RSPH4A: variants seen among roughly 807,000 people sequenced by gnomAD.
The protein encoded by RSPH4A is radial spoke head component 4A.
Under a neutral mutation model 71.0 loss-of-function variants are expected in RSPH4A, and 47 were observed. The observed-to-expected ratio is 0.66, with a 90% CI of 0.52 to 0.84. The LOEUF (loss-of-function observed/expected upper bound fraction) is 0.84, where lower values mean the gene tolerates loss of function less well. Ranked by LOEUF, RSPH4A falls within the 40% of genes least tolerant of loss-of-function variation. RSPH4A has a pLI of 0.00. For synonymous variants in RSPH4A, 282 were observed against 302.3 expected (o/e 0.93, Z 0.70); for missense variants, 793 against 855.2 (o/e 0.93, Z 0.91).
Position 116,628,084 on chromosome 6 carries a change from G to T in RSPH4A, c.1377G>T (p.Lys459Asn), listed in dbSNP as rs563352149. ...PAQIVIARKI[K>N]KFFTGRLDAP... ...AAATTGTTATTGCAAGAAAAATCAAGAAATTTTTCACTGGGCGATTGGATG... is the reference window on the plus strand; with the variant it reads ...AAATTGTTATTGCAAGAAAAATCAATAAATTTTTCACTGGGCGATTGGATG... Residue 459 changes from lysine to asparagine, a missense_variant, in exon 3 of 6, where the codon AAG becomes AAT. By Grantham distance (94) the Lys-to-Asn change is moderately conservative. Coordinates refer to ENST00000229554, the MANE Select transcript of RSPH4A (RefSeq NM_001010892.3). 6.2e-7 allele frequency: 1 copy of T among 1,614,140 alleles called. No homozygotes were observed. The highest frequency in any genetic ancestry group is 8.5e-7 in the Non-Finnish European group (1 of 1,180,028).
chr6:116,616,543 C>A lies in RSPH4A; in HGVS notation c.-81C>A. The A allele has an allele frequency of 1.6e-6, 2 of 1,260,802 alleles. No individual in the cohort carries two copies. The highest frequency in any genetic ancestry group is 2.3e-6 in the Non-Finnish European group (2 of 883,892). The allele number at this position is 1,260,802 out of a possible 1,614,324, so 78.1% of individuals were successfully genotyped here. A position where few individuals can be genotyped will look rare whatever the true frequency, so the allele number is the denominator to read the frequency against. ...CCAGAAATCGCTTAAGAGACCGCGGCAAAGTAACTTAACTGAGTTGCCTTC... is the reference window on the plus strand; with the variant it reads ...CCAGAAATCGCTTAAGAGACCGCGGAAAAGTAACTTAACTGAGTTGCCTTC... On this transcript the variant is annotated 5_prime_UTR_variant, in exon 1 of 6. Coordinates refer to ENST00000229554, the MANE Select transcript of RSPH4A (RefSeq NM_001010892.3).
chr6:116,629,471 CCA>C (rs1775756739), intron 3 of RSPH4A, 94 bp from the exon 4 acceptor site: 1 of 1,232,644 alleles, frequency 8.1e-7, no homozygotes, highest in Non-Finnish European at 1.2e-6. Context: ...GATTAAATTC[CCA>C]CAGAGTTACA....
chr6:116,632,336 T>A lies in RSPH4A; in HGVS notation c.2046T>A (p.Ser682Arg). The A allele has an allele frequency of 6.2e-7, 1 of 1,613,962 alleles. No individual in the cohort carries two copies. The highest frequency in any genetic ancestry group is 8.5e-7 in the Non-Finnish European group (1 of 1,179,990). ...AAATTACAGAAATGGATGATCCTAG[T>A]GTGGAGGAGGAGCAGGCTTTCAGGG... Reference protein sequence around the residue: ...GPEITEMDDPSVEEEQAFRAA... With the variant: ...GPEITEMDDPRVEEEQAFRAA... Residue 682 changes from serine to arginine, a missense_variant, in exon 6 of 6, where the codon AGT (serine) becomes AGA (arginine). Coordinates refer to ENST00000229554, the MANE Select transcript of RSPH4A (RefSeq NM_001010892.3).
chr6:116,631,906 T>C (rs1477840473), intron 5 of RSPH4A, among the ~76,000 whole-genome samples: 1 of 152,182 alleles, frequency 6.6e-6, no homozygotes. Flanking sequence ...ACTTTTTTTT[T>C]TCCTCCCCTG....
At position 116,616,669 on chromosome 6, in the gene RSPH4A, G is replaced by A. The variant is rs780975506; in HGVS notation, c.46G>A (p.Glu16Lys). 3 of 1,613,972 alleles carry A rather than the reference G, an allele frequency of 1.9e-6. No homozygotes were observed. The highest frequency in any genetic ancestry group is 2.5e-6 in the Non-Finnish European group (3 of 1,180,026). Reference protein sequence around the residue: ...SPKQEKENQEELGETRRPWEG... With the variant: ...SPKQEKENQEKLGETRRPWEG... ...GAAGCAAGAAAAAGAAAACCAAGAA[G>A]AACTAGGGGAAACAAGGCGGCCATG... Residue 16 changes from glutamate to lysine, a missense_variant, in exon 1 of 6, where the codon GAA becomes AAA. Physicochemically the swap from Glu to Lys is moderately conservative, Grantham distance 56. Transcript: ENST00000229554.
At chr6:116,623,890 G>GTTT (rs1426938123) in intron 2 of RSPH4A, among the ~76,000 whole-genome samples, 1 of 152,142 alleles carries the variant, frequency 6.6e-6, no homozygotes, top group African/African-American at 2.4e-5. Context: ...TGGAGAAAAA[G>GTTT]TTGGTGACAG....
intron 1 of RSPH4A, among the ~76,000 whole-genome samples, chr6:116,619,936 G>A (rs1775573770): frequency 6.6e-6 from 1 of 152,180 alleles, no homozygotes; most frequent in African/African-American, 2.4e-5. Context: ...AGCCAGGATG[G>A]TCTTGATCTC....
In RSPH4A at chr6:116,616,786, T is replaced by TC. The variant is rs797045147; in HGVS notation, c.166dup (p.Arg56ProfsTer11). On this transcript the variant is annotated frameshift_variant, in exon 1 of 6. Transcript: ENST00000229554. LOFTEE classifies it high-confidence loss of function. ...GCAGGGGCCAGAAACTGGACGCCAG[T>TC]CCCGAAGCAGCCGTCCTTGGAGCCC... 3.1e-6 allele frequency: 5 copies of TC among 1,614,122 alleles called. No individual in the cohort carries two copies. The highest frequency in any genetic ancestry group is 3.4e-6 in the Non-Finnish European group (4 of 1,180,012).
intron 2 of RSPH4A, among the ~76,000 whole-genome samples, chr6:116,623,506 T>A (rs1030648633): frequency 2.6e-5 from 4 of 152,098 alleles, no homozygotes; most frequent in Non-Finnish European, 4.4e-5. Context: ...TTTTTCATAC[T>A]GTGTTTTAGT....
intron 4 of RSPH4A, among the ~76,000 whole-genome samples, chr6:116,629,924 A>G (rs1301032638): frequency 5.3e-5 from 8 of 152,216 alleles, no homozygotes; most frequent in Non-Finnish European, 4.4e-5. Context: ...GACAGGAAAC[A>G]TAAGTTGGCT....
chr6:116,623,035 C>T (rs1387829562), intron 2 of RSPH4A, 33 bp downstream of exon 2: 1 of 1,281,820 alleles, frequency 7.8e-7, no homozygotes, highest in Middle Eastern at 1.8e-4. Flanking sequence ...AATAATAAAC[C>T]TTAGGATTTT....
At position 116,630,343 on chromosome 6, in the gene RSPH4A, ATG is replaced by A. The variant is rs59824195; in HGVS notation, c.1799-78_1799-77del. On this transcript the variant is annotated intron_variant, in intron 4 of 5. Coordinates refer to ENST00000229554, the MANE Select transcript of RSPH4A (RefSeq NM_001010892.3). ...TGTGTGTATCTGTGTGTGTGCATGC[ATG>A]TGTGTGTGTGTGTATTTATAAAAAT... 1,443 of 653,414 alleles carry A rather than the reference ATG, an allele frequency of 2.2e-3. 1 individual carries two copies. The highest frequency in any genetic ancestry group is 2.6e-3 in the East Asian group (96 of 37,010). The allele number at this position is 653,414 out of a possible 1,614,324, so 40.5% of individuals were successfully genotyped here. A position where few individuals can be genotyped will look rare whatever the true frequency, so the allele number is the denominator to read the frequency against.
chr6:116,620,983 C>T lies in RSPH4A; in HGVS notation c.687-1785C>T, dbSNP rs151100473. 6.4e-3 allele frequency among the ~76,000 whole-genome samples: 977 copies of T among 152,180 alleles called. 13 individuals are homozygous for T. Among genetic ancestry groups the T allele is most frequent in the African/African-American group, 0.022 (920 of 41,534 alleles). On this transcript the variant is annotated intron_variant, in intron 1 of 5. Coordinates refer to ENST00000229554, the MANE Select transcript of RSPH4A (RefSeq NM_001010892.3). ...AAGTGATTCTCCTGACTCAGCCTCC[C>T]GAGTAGCTAGAATTACAGGTGCCTG...
At position 116,629,645 on chromosome 6, in the gene RSPH4A, G is replaced by T; in HGVS notation, c.1741G>T (p.Asp581Tyr). 1 of 1,613,444 alleles carries T rather than the reference G, an allele frequency of 6.2e-7. No homozygotes were observed. ...EEEDEEKDDS[D>Y]YIEQEVGLPL... ...AGAAGATGAAGAAAAAGACGATTCTGACTACATAGAACAGGAAGTGGGGCT... is the reference window on the plus strand; with the variant it reads ...AGAAGATGAAGAAAAAGACGATTCTTACTACATAGAACAGGAAGTGGGGCT... Residue 581 changes from aspartate (D) to tyrosine (Y), a missense_variant, in exon 4 of 6, where the codon GAC (aspartate) becomes TAC (tyrosine). Physicochemically the swap from Asp to Tyr is radical, Grantham distance 160. Transcript: ENST00000229554.
rs762438592 is a variant in RSPH4A, at chr6:116,616,688, G to T, written c.65G>T (p.Arg22Leu). Residue 22 changes from arginine to leucine, a missense_variant, in exon 1 of 6, where the codon CGG (arginine) becomes CTG (leucine). Physicochemically the swap from Arg to Leu is moderately radical, Grantham distance 102. Transcript: ENST00000229554. ...CAAGAAGAACTAGGGGAAACAAGGC[G>T]GCCATGGGAAGGAAAGACAGCAGCT... ...ENQEELGETR[R>L]PWEGKTAASP... 1.9e-6 allele frequency: 3 copies of T among 1,613,982 alleles called. No homozygotes were observed. In the African/African-American group the frequency reaches 4.0e-5, roughly 22 times the overall value.
chr6:116,617,410 T>C (rs899745604), intron 1 of RSPH4A, 101 bp downstream of exon 1: 9 of 820,834 alleles, frequency 1.1e-5, no homozygotes, highest in Non-Finnish European at 1.2e-5. Flanking sequence ...CAAAATATAT[T>C]TGAAAGATTG....
In RSPH4A at chr6:116,627,766, C is replaced by T. The variant is rs1211165438; in HGVS notation, c.1059C>T (p.Cys353=). The change falls in exon 3 of 6, where the codon TGC becomes TGT. Residue 353 remains cysteine, a synonymous_variant. Transcript: ENST00000229554. ...CTGATACCCACCCAATCCAAAGATG[C>T]CGCTTCTGGGGAAAGATCTTGGGTC... ...QLTDTHPIQR[C]RFWGKILGLE... is the part of the protein sequence containing the mutation. The T allele has an allele frequency of 6.8e-6, 11 of 1,613,962 alleles. No homozygotes were observed. The East Asian group carries it at 2.5e-4, about 36-fold the overall frequency.
Position 116,632,323 on chromosome 6 carries a change from T to C in RSPH4A, c.2033T>C (p.Met678Thr). Residue 678 changes from methionine (M) to threonine (T), a missense_variant, in exon 6 of 6, where the codon ATG becomes ACG. Transcript: ENST00000229554. ...EYPSGPEITE[M>T]DDPSVEEEQA... ...CCCAGTGGACCAGAAATTACAGAAA[T>C]GGATGATCCTAGTGTGGAGGAGGAG... 6.2e-7 allele frequency: 1 copy of C among 1,613,934 alleles called. No homozygotes were observed. Among genetic ancestry groups the C allele is most frequent in the Non-Finnish European group, 8.5e-7 (1 of 1,179,996 alleles).
At position 116,630,467 on chromosome 6, in the gene RSPH4A, T is replaced by C. The variant is rs1254141723; in HGVS notation, c.1831T>C (p.Leu611=). The C allele has an allele frequency of 2.5e-6, 4 of 1,610,334 alleles. No homozygotes were observed. The highest frequency in any genetic ancestry group is 3.4e-6 in the Non-Finnish European group (4 of 1,176,688). ...GAATATACCCCCCTGGACAACACGG[T>C]TATCCTCAAATCTCATTCCACAATA... ...IQNIPPWTTR[L]SSNLIPQYAI... The change falls in exon 5 of 6, where the codon TTA becomes CTA. Residue 611 remains leucine, a synonymous_variant. Coordinates refer to ENST00000229554, the MANE Select transcript of RSPH4A (RefSeq NM_001010892.3).
Sources: allele counts gnomAD v4.1 joint callset (sites outside exome capture counted in the v4.1 genomes callset), GRCh38; gene constraint gnomAD v4.1.1; transcripts MANE v1.5; gene names NCBI Gene and HGNC (gene_info 2026-07-23, HGNC 2026-07-21).